Variants in MEGF11 observed in about 807,000 individuals in gnomAD.
MEGF11 encodes multiple EGF like domains 11.
In MEGF11, 126 loss-of-function variants were observed where a neutral mutation model predicts 146.6. That is an observed-to-expected ratio of 0.86 (90% CI 0.74 to 1.00). The LOEUF (loss-of-function observed/expected upper bound fraction) is 1.00. MEGF11 is among the 50% of genes least tolerant of loss of function. The pLI is 0.00. For synonymous variants in MEGF11, 532 were observed against 583.4 expected (o/e 0.91, Z 1.27); for missense variants, 1,509 against 1,521.2 (o/e 0.99, Z 0.13).
chr15:65,981,706 G>A (rs550140842), intron 6 of MEGF11, among the ~76,000 whole-genome samples: 6 of 152,278 alleles, frequency 3.9e-5, no homozygotes, highest in Admixed American at 2.6e-4. Context: ...CTGGGGAACT[G>A]GAATGAGGGG....
intron 2 of MEGF11, 142 bp from the exon 3 acceptor site, chr15:66,124,142 A>G: frequency 9.0e-6 from 6 of 668,428 alleles, no homozygotes; most frequent in African/African-American, 1.8e-5. Context: ...CCTCCCAACT[A>G]TCCTCCCCCT....
chr15:65,977,162 G>C (rs1045147892), intron 7 of MEGF11, among the ~76,000 whole-genome samples: 10 of 11,324 alleles, frequency 8.8e-4, no homozygotes, highest in Non-Finnish European at 9.7e-4. Context: ...TTGAGACTCC[G>C]TCTCAAAAAA....
chr15:66,177,420 A>G (rs1006886231), intron 1 of MEGF11, among the ~76,000 whole-genome samples: 10 of 152,138 alleles, frequency 6.6e-5, no homozygotes, highest in Admixed American at 1.3e-4. Context: ...CTCCTTTTAC[A>G]TCATGTATTC....
At chr15:66,173,627 ATTAT>A (rs2141123806) in intron 1 of MEGF11, among the ~76,000 whole-genome samples, 1 of 152,286 alleles carries the variant, frequency 6.6e-6, no homozygotes, top group South Asian at 2.1e-4. Flanking sequence ...ACAGAAGGTG[ATTAT>A]TTAGTCAATA....
chr15:66,053,328 G>A (rs1369268574), intron 5 of MEGF11, among the ~76,000 whole-genome samples: 1 of 152,186 alleles, frequency 6.6e-6, no homozygotes, highest in Non-Finnish European at 1.5e-5. Flanking sequence ...TAGACGAGGA[G>A]ATGGGGACTT....
chr15:65,999,883 T>C (rs1017553263), intron 5 of MEGF11, among the ~76,000 whole-genome samples: 4 of 152,196 alleles, frequency 2.6e-5, no homozygotes, highest in Non-Finnish European at 5.9e-5. Context: ...CCACTGGCTG[T>C]AAACTCCTTC....
At chr15:66,119,013 T>G in intron 4 of MEGF11, 73 bp downstream of exon 4, 5 of 870,608 alleles carry the variant, frequency 5.7e-6, no homozygotes, top group Non-Finnish European at 9.1e-6. Flanking sequence ...CAGCCCCACC[T>G]CCCCTCCCCT....
At chr15:66,228,500 C>T (rs2091898560) in intron 1 of MEGF11, among the ~76,000 whole-genome samples, 1 of 152,136 alleles carries the variant, frequency 6.6e-6, no homozygotes, top group Non-Finnish European at 1.5e-5. Context: ...CACAGAGGAG[C>T]CACACACAGC....
At chr15:65,979,377 CTG>C (rs1303464717) in intron 7 of MEGF11, among the ~76,000 whole-genome samples, 1 of 152,208 alleles carries the variant, frequency 6.6e-6, no homozygotes, top group Non-Finnish European at 1.5e-5. Context: ...TCTGTCAAGA[CTG>C]TGCCTGCATC....
intron 23 of MEGF11, 144 bp downstream of exon 23, chr15:65,908,890 T>C (rs1596819203): frequency 1.7e-6 from 1 of 599,232 alleles, no homozygotes; most frequent in East Asian, 2.8e-5. Context: ...GGGATTGAGC[T>C]GGTAGACATG....
chr15:65,985,918 TG>T (rs536009772), intron 5 of MEGF11, among the ~76,000 whole-genome samples: 18 of 151,964 alleles, frequency 1.2e-4, no homozygotes, highest in Non-Finnish European at 2.2e-4. Flanking sequence ...CATGTGAGTG[TG>T]TGTGTATATG....
intron 10 of MEGF11, among the ~76,000 whole-genome samples, chr15:65,940,783 G>A (rs934113945): frequency 2.6e-5 from 4 of 152,210 alleles, no homozygotes; most frequent in Non-Finnish European, 5.9e-5. Flanking sequence ...CTCCCATGCA[G>A]GTGGGAGGAG....
chr15:66,088,182 T>C (rs1402943290), intron 5 of MEGF11, among the ~76,000 whole-genome samples: 3 of 152,016 alleles, frequency 2.0e-5, no homozygotes, highest in Non-Finnish European at 4.4e-5. Context: ...AAATGATAAT[T>C]TAAAAATTAC....
At chr15:65,916,065 G>A in intron 18 of MEGF11, 83 bp downstream of exon 18, 1 of 1,457,454 alleles carries the variant, frequency 6.9e-7, no homozygotes, top group Non-Finnish European at 9.1e-7. Context: ...CCCTGAGTGA[G>A]TGGACCTTGA....
intron 5 of MEGF11, among the ~76,000 whole-genome samples, chr15:65,998,702 C>T (rs979660236): frequency 1.3e-5 from 2 of 152,000 alleles, no homozygotes; most frequent in Non-Finnish European, 2.9e-5. Flanking sequence ...GCAGGAGGTT[C>T]GGGGGTGTGG....
rs150705111 is a variant in MEGF11 at position 66,144,093 on chromosome 15, C to T, written c.-8-15682G>A. Among the ~76,000 whole-genome samples the T allele has an allele frequency of 9.8e-5, 15 of 152,302 alleles. No homozygotes were observed. The East Asian group carries it at 2.9e-3, about 29-fold the overall frequency. ...GACACTCCTTCTGGAGGGAACATCT[C>T]GTTCCTGCTCCCAGCACACACGGAC... On this transcript the variant is annotated intron_variant, in intron 1 of 25. Transcript: ENST00000395614.
chr15:66,159,027 T>C (rs17255033), intron 1 of MEGF11, among the ~76,000 whole-genome samples: 19,035 of 152,264 alleles, frequency 0.13, 1,221 homozygotes, highest in Admixed American at 0.16. Context: ...AATTTTTGCT[T>C]TGAGAGTTGA....
chr15:65,922,072 A>G (rs1193837731), intron 15 of MEGF11: 10 of 507,656 alleles, frequency 2.0e-5, no homozygotes, highest in Non-Finnish European at 2.8e-5. Context: ...TTCAGCATGC[A>G]TGTCGGAATC....
At chr15:65,924,373 T>TGGGGGGGGGGGGGGGGGGGGGGGGG (rs72309249) in intron 13 of MEGF11, among the ~76,000 whole-genome samples, 1 of 41,096 alleles carries the variant, frequency 2.4e-5, no homozygotes. Flanking sequence ...GGGGTGTGGG[T>TGGGGGGGGGGGGGGGGGGGGGGGGG]GGGGGGGGGG....
Sources: gnomAD v4.1 joint callset for allele counts (sites outside exome capture counted in the v4.1 genomes callset) on GRCh38, gnomAD v4.1.1 for gene constraint, MANE v1.5 for transcripts, NCBI Gene and HGNC (gene_info 2026-07-23, HGNC 2026-07-21) for gene names.